Variants in EHBP1 observed in about 807,000 individuals in gnomAD.
The protein encoded by EHBP1 is EH domain-binding protein 1.
In EHBP1, 55 loss-of-function variants were observed where a neutral mutation model predicts 144.0. The ratio of observed to expected loss-of-function variants is 0.38; its 90% confidence interval spans 0.31 to 0.48. The LOEUF (loss-of-function observed/expected upper bound fraction) is 0.48. Ranked by LOEUF, EHBP1 falls within the 20% of genes least tolerant of loss-of-function variation. EHBP1 has a pLI of 0.98. For synonymous variants in EHBP1, 469 were observed against 472.7 expected (o/e 0.99, Z 0.10); for missense variants, 1,200 against 1,364.2 (o/e 0.88, Z 1.90).
intron 14 of EHBP1, among the ~76,000 whole-genome samples, chr2:62,970,261 CT>C (rs1017806485): frequency 1.3e-4 from 20 of 151,778 alleles, no homozygotes; most frequent in African/African-American, 4.6e-4. Context: ...CTAAGTAAAA[CT>C]TTTTTTAAAA....
At chr2:62,715,911 C>T (rs910164804) in intron 2 of EHBP1, among the ~76,000 whole-genome samples, 1 of 152,202 alleles carries the variant, frequency 6.6e-6, no homozygotes, top group African/African-American at 2.4e-5. Context: ...AATCTTTACC[C>T]TAGCTAATAC....
At chr2:62,958,277 G>C (rs2057818972) in intron 14 of EHBP1, among the ~76,000 whole-genome samples, 1 of 152,152 alleles carries the variant, frequency 6.6e-6, no homozygotes, top group Non-Finnish European at 1.5e-5. Context: ...TTTCATGGCA[G>C]TTTTGTTTGT....
At chr2:63,016,818 T>C (rs1289976792) in intron 19 of EHBP1, among the ~76,000 whole-genome samples, 1 of 152,184 alleles carries the variant, frequency 6.6e-6, no homozygotes, top group African/African-American at 2.4e-5. Context: ...CTTGATGGAA[T>C]CACAGCCAGG....
intron 5 of EHBP1, 43 bp from the exon 6 acceptor site, chr2:62,826,044 A>G: frequency 7.2e-7 from 1 of 1,382,012 alleles, no homozygotes; most frequent in Non-Finnish European, 9.5e-7. Context: ...TTGGCTATAA[A>G]ATAACTCAAA....
At chr2:62,982,700 A>T (rs188020295) in intron 15 of EHBP1, among the ~76,000 whole-genome samples, 1 of 152,290 alleles carries the variant, frequency 6.6e-6, no homozygotes, top group East Asian at 1.9e-4. Context: ...AAAAGAGGGT[A>T]GTGAAGAGCT....
At chr2:63,017,697 T>C (rs947813902) in intron 19 of EHBP1, among the ~76,000 whole-genome samples, 3 of 152,160 alleles carry the variant, frequency 2.0e-5, no homozygotes, top group African/African-American at 7.2e-5. Context: ...TTACCTATCA[T>C]CATCAAGCAC....
chr2:62,747,444 T>A lies in EHBP1; in HGVS notation c.154T>A (p.Ser52Thr). 1 of 1,606,800 alleles carries A rather than the reference T, an allele frequency of 6.2e-7. No individual in the cohort carries two copies. ...TTGGACCAGAAGAAGCCGAAGGAAG[T>A]CTTCTAAGGTTAGTGTATTTTCTAA... Reference protein sequence around the residue: ...VVWTRRSRRKSSKAHSWQPGI... With the variant: ...VVWTRRSRRKTSKAHSWQPGI... Residue 52 changes from serine to threonine, a missense_variant, in exon 3 of 23, where the codon TCT becomes ACT. Ser to Thr is a moderately conservative substitution (Grantham distance 58). Coordinates refer to ENST00000431489, the MANE Select transcript of EHBP1 (RefSeq NM_001142616.3).
At position 63,038,926 on chromosome 2, in the gene EHBP1, C is replaced by T. The variant is rs1367055005; in HGVS notation, c.3277+110C>T. 25 of 972,144 alleles carry T rather than the reference C, an allele frequency of 2.6e-5. No homozygotes were observed. The East Asian group carries it at 3.5e-4, about 14-fold the overall frequency. 60.2% of individuals were successfully genotyped at this position (972,144 alleles called of 1,614,324 possible). Reference sequence around the variant, plus strand: ...TAGATCTGGTGTACTAGGGACCTTCCGGAATTGCAAATAAATGCCGTGGAG... The same window carrying T: ...TAGATCTGGTGTACTAGGGACCTTCTGGAATTGCAAATAAATGCCGTGGAG... On this transcript the variant is annotated intron_variant, in intron 21 of 22. Transcript: ENST00000431489.
intron 4 of EHBP1, 80 bp from the exon 5 acceptor site, chr2:62,771,259 C>A (rs1009568329): frequency 3.1e-6 from 3 of 979,060 alleles, no homozygotes; most frequent in Non-Finnish European, 4.5e-6. Context: ...AAAAACAAGG[C>A]TATATGTATT....
At chr2:62,780,782 A>G (rs899701718) in intron 5 of EHBP1, among the ~76,000 whole-genome samples, 1 of 152,298 alleles carries the variant, frequency 6.6e-6, no homozygotes, top group Non-Finnish European at 1.5e-5. Flanking sequence ...TAATTTGTGA[A>G]ATGTCCTAGC....
At chr2:62,928,453 A>T (rs2055709004) in intron 10 of EHBP1, among the ~76,000 whole-genome samples, 1 of 152,128 alleles carries the variant, frequency 6.6e-6, no homozygotes, top group Non-Finnish European at 1.5e-5. Context: ...CACTACCTCC[A>T]AGTTTGACAA....
At chr2:62,863,846 T>TG (rs1347668052) in intron 8 of EHBP1, among the ~76,000 whole-genome samples, 1 of 135,508 alleles carries the variant, frequency 7.4e-6, no homozygotes, top group Non-Finnish European at 1.6e-5. Context: ...TGTTGTTTTT[T>TG]TTTTTTTTTT....
intron 7 of EHBP1, among the ~76,000 whole-genome samples, chr2:62,857,807 A>G (rs1012442040): frequency 6.6e-6 from 1 of 151,878 alleles, no homozygotes; most frequent in East Asian, 1.9e-4. Flanking sequence ...TGTTTTTATT[A>G]TAAGATTTTT....
chr2:62,704,049 G>A (rs926845809), upstream of EHBP1, among the ~76,000 whole-genome samples: 1 of 152,162 alleles, frequency 6.6e-6, no homozygotes, highest in African/African-American at 2.4e-5. Flanking sequence ...CACACTTAAA[G>A]CCTACTAAAG....
At chr2:62,867,828 T>C (rs559494861) in intron 9 of EHBP1, among the ~76,000 whole-genome samples, 3 of 152,326 alleles carry the variant, frequency 2.0e-5, no homozygotes, top group African/African-American at 7.2e-5. Context: ...GACAGTGTGG[T>C]ATTAGTTTAC....
intron 12 of EHBP1, among the ~76,000 whole-genome samples, chr2:62,944,348 T>C (rs966449014): frequency 2.0e-5 from 3 of 152,202 alleles, no homozygotes; most frequent in African/African-American, 7.2e-5. Flanking sequence ...ACAGACCACA[T>C]AGATGGTGAT....
intron 3 of EHBP1, among the ~76,000 whole-genome samples, chr2:62,747,890 T>C (rs2039309421): frequency 6.6e-6 from 1 of 152,026 alleles, no homozygotes; most frequent in East Asian, 1.9e-4. Flanking sequence ...AGGGAGTTTG[T>C]TTCCTTTTTG....
chr2:62,941,927 A>G (rs1330122615), intron 10 of EHBP1, among the ~76,000 whole-genome samples: 1 of 152,128 alleles, frequency 6.6e-6, no homozygotes, highest in Admixed American at 6.5e-5. Flanking sequence ...ATAATAATAA[A>G]ACTTTAGAAT....
chr2:62,708,829 A>T (rs547726234), intron 2 of EHBP1, among the ~76,000 whole-genome samples: 16 of 152,204 alleles, frequency 1.1e-4, no homozygotes, highest in Non-Finnish European at 2.1e-4. Flanking sequence ...GAAACATGGG[A>T]GGCTTACCTA....
Sources: allele counts gnomAD v4.1 joint callset (sites outside exome capture counted in the v4.1 genomes callset), GRCh38; gene constraint gnomAD v4.1.1; transcripts MANE v1.5; gene names NCBI Gene and HGNC (gene_info 2026-07-23, HGNC 2026-07-21).